Variants in GSTA5 observed in about 807,000 individuals in gnomAD.
GSTA5 encodes the protein glutathione S-transferase alpha 5, also known as glutathione S-transferase A5.
GSTA5 carries 25 observed loss-of-function variants against 21.8 expected under a neutral mutation model. That is an observed-to-expected ratio of 1.14 (90% CI 0.83 to 1.60). The LOEUF (loss-of-function observed/expected upper bound fraction) is 1.60, where lower values mean the gene tolerates loss of function less well. Ranked by LOEUF, GSTA5 falls within the 40% of genes most tolerant of loss-of-function variation. GSTA5 has a pLI of 0.00. For synonymous variants in GSTA5, 102 were observed against 89.5 expected, an observed-to-expected ratio of 1.14 and a Z score of -0.78; for missense variants, 330 against 259.2, an observed-to-expected ratio of 1.27 and a Z score of -1.88.
the GSTA5 span, among the ~76,000 whole-genome samples, chr6:52,845,859 A>G: frequency 6.6e-6 from 1 of 152,096 alleles, no homozygotes; most frequent in Non-Finnish European, 1.5e-5. Flanking sequence ...TAAATTCTTC[A>G]TTTTTACATT....
At chr6:52,836,808 G>A (rs538100947) in intron 2 of GSTA5, among the ~76,000 whole-genome samples, 6 of 152,272 alleles carry the variant, frequency 3.9e-5, no homozygotes, top group South Asian at 2.1e-4. Flanking sequence ...CACCATACCC[G>A]GCCCAAACAA....
exon 5 of GSTA5, chr6:52,832,951 T>G: frequency 1.9e-6 from 3 of 1,614,110 alleles, no homozygotes; most frequent in Non-Finnish European, 2.5e-6. Context: ...CAGCTCAGCT[T>G]GTTGCCAACA....
Position 52,840,832 on chromosome 6 carries a change from G to C in GSTA5, c.-19C>G, listed in dbSNP as rs1457060739. The stretch of plus-strand genomic sequence containing the variant: ...CTGCCATGATAGCAGTCTCCTGGAG[G>C]TTTCTCTAAGCCTGAATGAATGAAT... On this transcript the variant is annotated 5_prime_UTR_variant, in exon 1 of 6. Coordinates refer to ENST00000370989, the Ensembl canonical transcript of GSTA5. 6.2e-7 allele frequency: 1 copy of C among 1,600,356 alleles called. No individual in the cohort carries two copies.
intron 1 of GSTA5, among the ~76,000 whole-genome samples, chr6:52,839,860 G>C (rs1051300388): frequency 1.3e-5 from 2 of 152,236 alleles, no homozygotes; most frequent in African/African-American, 4.8e-5. Flanking sequence ...GGGTGTTCTA[G>C]AAGCCTCCAC....
intron 2 of GSTA5, among the ~76,000 whole-genome samples, chr6:52,837,057 C>T (rs561103693): frequency 7.2e-5 from 11 of 152,244 alleles, no homozygotes; most frequent in South Asian, 2.1e-4. Context: ...ATGGTGTTTG[C>T]GACATCTAAG....
chr6:52,833,461 C>T (rs1267421741), intron 4 of GSTA5, among the ~76,000 whole-genome samples: 4 of 152,144 alleles, frequency 2.6e-5, no homozygotes, highest in African/African-American at 4.8e-5. Flanking sequence ...CCTTGTCTGC[C>T]CTCCTCATTC....
intron 3 of GSTA5, 36 bp downstream of exon 3, chr6:52,836,200 T>C (rs772517993): frequency 8.6e-5 from 139 of 1,608,458 alleles, no homozygotes; most frequent in Non-Finnish European, 8.8e-5. Context: ...TCACTCTGTG[T>C]TCTCTGTGGA....
At chr6:52,840,935 C>T (rs1406601513), upstream of GSTA5, 2 of 832,140 alleles carry the variant, frequency 2.4e-6, no homozygotes, top group Admixed American at 3.0e-5. Flanking sequence ...GAAGAAGAAC[C>T]TGCCTTCTTC....
exon 5 of GSTA5, chr6:52,832,982 C>A (rs548167612): frequency 1.2e-6 from 2 of 1,614,034 alleles, no homozygotes; most frequent in African/African-American, 2.7e-5. Flanking sequence ...GTCTGTGGCT[C>A]TTTAAGACCT....
upstream of GSTA5, among the ~76,000 whole-genome samples, chr6:52,843,086 CT>C (rs746544491): frequency 5.1e-4 from 78 of 152,230 alleles, no homozygotes; most frequent in Non-Finnish European, 9.0e-4. Flanking sequence ...TGAACTCATC[CT>C]TTTTTATGGC....
rs905340629 is a variant in GSTA5, at chr6:52,833,010, A to G, written c.415-20T>C. ...TAAGACCTGGAGAATTGGAGGAATC[A>G]GATCAGGAACACATGCACACCCAGG... On this transcript the variant is annotated intron_variant, in intron 4 of 5. Transcript: ENST00000370989. 4 of 1,613,822 alleles carry G rather than the reference A, an allele frequency of 2.5e-6. No individual in the cohort carries two copies. Among genetic ancestry groups the G allele is most frequent in the Non-Finnish European group, 3.4e-6 (4 of 1,179,894 alleles).
At chr6:52,836,211 T>G (rs747532696) in intron 3 of GSTA5, 25 bp downstream of exon 3, 2 of 1,610,604 alleles carry the variant, frequency 1.2e-6, no homozygotes, top group Non-Finnish European at 1.7e-6. Context: ...TCTCTGTGGA[T>G]GGAAGAACAG....
At position 52,833,624 on chromosome 6, in the gene GSTA5, C is replaced by T. The variant is rs148858232; in HGVS notation, c.414+517G>A. Among the ~76,000 whole-genome samples the T allele has an allele frequency of 3.5e-4, 54 of 152,308 alleles. No homozygotes were observed. The East Asian group carries it at 0.01, about 29-fold the overall frequency. The stretch of plus-strand genomic sequence containing the variant: ...GGACTGCACTGATGTCTGCAACTTA[C>T]TATAAAATGCATTTTAAAGAATCTT... On this transcript the variant is annotated intron_variant, in intron 4 of 5. Transcript: ENST00000370989.
At chr6:52,831,695 A>T in exon 6 of GSTA5, 1 of 880,142 alleles carries the variant, frequency 1.1e-6, no homozygotes, top group Non-Finnish European at 1.7e-6. Context: ...AGCTAAGTTG[A>T]CAGATAAGAG....
intron 4 of GSTA5, among the ~76,000 whole-genome samples, chr6:52,833,237 A>G (rs4715348): frequency 0.98 from 149,884 of 152,228 alleles, 73,838 homozygotes; most frequent in East Asian, 1. Flanking sequence ...GTGTCTACAC[A>G]ACCCACCCAG....
chr6:52,833,361 C>T (rs1320888833), intron 4 of GSTA5, among the ~76,000 whole-genome samples: 3 of 152,110 alleles, frequency 2.0e-5, no homozygotes, highest in Non-Finnish European at 4.4e-5. Context: ...CATTCTGCTC[C>T]CTCCCTCTCC....
intron 5 of GSTA5, among the ~76,000 whole-genome samples, chr6:52,832,229 T>C (rs1466525317): frequency 1.3e-5 from 2 of 152,236 alleles, no homozygotes; most frequent in Non-Finnish European, 2.9e-5. Flanking sequence ...ATTAATCCTG[T>C]AGATTTGTGG....
At chr6:52,832,350 A>G (rs1361001311) in intron 5 of GSTA5, among the ~76,000 whole-genome samples, 1 of 152,214 alleles carries the variant, frequency 6.6e-6, no homozygotes, top group Non-Finnish European at 1.5e-5. Flanking sequence ...AATGTTATAG[A>G]AAACATTAAA....
upstream of GSTA5, among the ~76,000 whole-genome samples, chr6:52,845,384 A>T (rs1764439879): frequency 6.6e-6 from 1 of 152,110 alleles, no homozygotes; most frequent in Admixed American, 6.5e-5. Context: ...GGCGCTACAA[A>T]TCAGATAGGT....
Sources: allele counts gnomAD v4.1 joint callset (sites outside exome capture counted in the v4.1 genomes callset), GRCh38; gene constraint gnomAD v4.1.1; transcripts MANE v1.5; gene names NCBI Gene and HGNC (gene_info 2026-07-23, HGNC 2026-07-21).